OPA1: variants seen among roughly 807,000 people sequenced by gnomAD.
OPA1 encodes the protein OPA1 mitochondrial dynamin like GTPase.
OPA1 carries 59 observed loss-of-function variants against 152.9 expected under a neutral mutation model. That is an observed-to-expected ratio of 0.39 (90% CI 0.31 to 0.48). The LOEUF is 0.48. Ranked by LOEUF, OPA1 falls within the 20% of genes least tolerant of loss-of-function variation. OPA1 has a pLI of 0.96. For synonymous variants in OPA1, 400 were observed against 389.9 expected (o/e 1.03, Z -0.31); for missense variants, 1,008 against 1,216.8 (o/e 0.83, Z 2.55).
At position 193,694,794 on chromosome 3, in the gene OPA1, G is replaced by C. The variant is rs1484415043; in HGVS notation, c.*194G>C. 1 of 152,172 alleles carries C rather than the reference G, an allele frequency of 6.6e-6. No individual in the cohort carries two copies. The highest frequency in any genetic ancestry group is 1.5e-5 in the Non-Finnish European group (1 of 68,030). 9.4% of individuals were successfully genotyped at this position (152,172 alleles called of 1,614,324 possible). A position where few individuals can be genotyped will look rare whatever the true frequency, so the allele number is the denominator to read the frequency against. On this transcript the variant is annotated 3_prime_UTR_variant, in exon 31 of 31. Transcript: ENST00000361510. ...TCTCGAATGGAAGAACAGTGGTAAT[G>C]GATTAACATCCTATTTTGTTGTACT...
At chr3:193,694,198 G>A (rs887167317) in intron 30 of OPA1, among the ~76,000 whole-genome samples, 1 of 152,124 alleles carries the variant, frequency 6.6e-6, no homozygotes, top group African/African-American at 2.4e-5. Context: ...TTTGTACCCT[G>A]CAGATGCATT....
In OPA1 at chr3:193,612,268, C is replaced by CTTT. The variant is rs34283831; in HGVS notation, c.33-2435_33-2433dup. ...CTTTGTAAGACATCTGTCTAACTTC[C>CTTT]TTTTTTTTTTTTTTTTTTTTTTAAA... On this transcript the variant is annotated intron_variant, in intron 1 of 30. Coordinates refer to ENST00000361510, the MANE Select transcript of OPA1 (RefSeq NM_130837.3). 1.5e-3 allele frequency among the ~76,000 whole-genome samples: 172 copies of CTTT among 116,318 alleles called. 1 individual carries two copies. The highest frequency in any genetic ancestry group is 4.7e-3 in the African/African-American group (142 of 30,374). The allele number at this position is 116,318 out of a possible 152,430, so 76.3% of individuals were successfully genotyped here.
intron 5 of OPA1, chr3:193,618,666 A>G (rs1729469564): frequency 1.8e-6 from 1 of 555,596 alleles, no homozygotes; most frequent in African/African-American, 1.9e-5. Flanking sequence ...ATATGCTGCG[A>G]TTGCTATAGT....
rs780396705 is a variant in OPA1, at chr3:193,658,868, CTCT to C, written c.2332-14_2332-12del. 1.1e-5 allele frequency: 18 copies of C among 1,582,720 alleles called. No individual in the cohort carries two copies. In the Middle Eastern group the frequency reaches 6.7e-4, roughly 59 times the overall value. On this transcript the variant is annotated splice_polypyrimidine_tract_variant and intron_variant, in intron 23 of 30. Coordinates refer to ENST00000361510, the MANE Select transcript of OPA1 (RefSeq NM_130837.3). ...GAGATGTAAAACAAGTTGGCTTTTT[CTCT>C]TCTTGTTATTTTCAGAGGGTTATTC...
rs758993120 is a variant in OPA1, at chr3:193,622,226, C to CTTTTTTT, written c.678+3305_678+3311dup. On this transcript the variant is annotated intron_variant, in intron 6 of 30. Coordinates refer to ENST00000361510, the MANE Select transcript of OPA1 (RefSeq NM_130837.3). ...TTTCTTGCAACATATTACTCTCATT[C>CTTTTTTT]TTTTTTTTTTTTTTTTTTTTTGAGA... Among the ~76,000 whole-genome samples, 345 of 107,896 alleles carry CTTTTTTT rather than the reference C, an allele frequency of 3.2e-3. 7 individuals are homozygous for CTTTTTTT. Among genetic ancestry groups the CTTTTTTT allele is most frequent in the African/African-American group, 4.9e-3 (128 of 26,022 alleles). 70.8% of individuals were successfully genotyped at this position (107,896 alleles called of 152,430 possible). A position where few individuals can be genotyped will look rare whatever the true frequency, so the allele number is the denominator to read the frequency against.
At chr3:193,594,730 C>T (rs1725240286) in intron 1 of OPA1, among the ~76,000 whole-genome samples, 1 of 152,104 alleles carries the variant, frequency 6.6e-6, no homozygotes, top group Non-Finnish European at 1.5e-5. Context: ...AAATACAGAA[C>T]TAGATGAGAT....
intron 1 of OPA1, among the ~76,000 whole-genome samples, chr3:193,596,306 TTTTCCTTTCC>T (rs59723526): frequency 2.6e-3 from 273 of 105,402 alleles, no homozygotes; most frequent in Non-Finnish European, 3.9e-3. Flanking sequence ...TTTTCTTTTC[TTTTCCTTTCC>T]TTTCCTTTCC....
chr3:193,622,920 A>G (rs77583423), intron 6 of OPA1, among the ~76,000 whole-genome samples: 4,757 of 152,252 alleles, frequency 0.031, 71 homozygotes, highest in African/African-American at 0.039. Flanking sequence ...ATTACCTGCA[A>G]ATTCTCCCTG....
intron 6 of OPA1, among the ~76,000 whole-genome samples, chr3:193,623,960 A>G (rs1239468235): frequency 6.6e-6 from 1 of 152,146 alleles, no homozygotes. Flanking sequence ...CTACTTTTTC[A>G]GGAGGTCAAT....
At chr3:193,683,914 C>T (rs1720558185) in intron 29 of OPA1, among the ~76,000 whole-genome samples, 2 of 152,164 alleles carry the variant, frequency 1.3e-5, no homozygotes, top group Admixed American at 6.6e-5. Flanking sequence ...TAGAACCAAA[C>T]TTGCATATCT....
intron 22 of OPA1, 44 bp from the exon 23 acceptor site, chr3:193,657,036 G>A (rs1193375451): frequency 3.9e-6 from 6 of 1,524,636 alleles, no homozygotes; most frequent in Non-Finnish European, 3.6e-6. Context: ...AACCATTGAA[G>A]TATGTAGTAA....
Position 193,695,954 on chromosome 3 carries a change from T to A in OPA1, c.*1354T>A, listed in dbSNP as rs1560089816. 6.6e-6 allele frequency: 1 copy of A among 152,202 alleles called. No homozygotes were observed. The highest frequency in any genetic ancestry group is 1.9e-4 in the East Asian group (1 of 5,206). 9.4% of individuals were successfully genotyped at this position (152,202 alleles called of 1,614,324 possible). A position where few individuals can be genotyped will look rare whatever the true frequency, so the allele number is the denominator to read the frequency against. On this transcript the variant is annotated 3_prime_UTR_variant, in exon 31 of 31. Transcript: ENST00000361510. ...AAACCAGGAATTCAATGTATGTTTGTTTTATACTGTTTGATAAGAAAAGTA... is the reference window on the plus strand; with the variant it reads ...AAACCAGGAATTCAATGTATGTTTGATTTATACTGTTTGATAAGAAAAGTA...
At chr3:193,649,729 CAGT>C in intron 21 of OPA1, among the ~76,000 whole-genome samples, 1 of 152,248 alleles carries the variant, frequency 6.6e-6, no homozygotes, top group Middle Eastern at 3.4e-3. Context: ...CTTTCTTCCT[CAGT>C]GGTGAAACCT....
At position 193,593,543 on chromosome 3, in the gene OPA1, C is replaced by T. The variant is rs1400559051; in HGVS notation, c.32+134C>T. 14 of 925,956 alleles carry T rather than the reference C, an allele frequency of 1.5e-5. No individual in the cohort carries two copies. The African/African-American group carries it at 1.9e-4, about 13-fold the overall frequency. The allele number at this position is 925,956 out of a possible 1,614,324, so 57.4% of individuals were successfully genotyped here. ...GGCAGTTGGAGAATTCCCAGATGTT[C>T]TTGAGGACCCAGAATGACAGGAGCC... On this transcript the variant is annotated intron_variant, in intron 1 of 30. Transcript: ENST00000361510.
intron 21 of OPA1, 76 bp from the exon 22 acceptor site, chr3:193,654,783 TTAA>T (rs770460971): frequency 5.0e-6 from 7 of 1,410,878 alleles, no homozygotes; most frequent in Admixed American, 3.8e-5. Context: ...TTATTATAAG[TTAA>T]TGATACTTCA....
At chr3:193,604,257 T>A (rs575989440) in intron 1 of OPA1, among the ~76,000 whole-genome samples, 1 of 152,296 alleles carries the variant, frequency 6.6e-6, no homozygotes, top group Non-Finnish European at 1.5e-5. Flanking sequence ...GTGAAAGGTT[T>A]AGTGTAATTT....
rs145565705 is a variant in OPA1 at position 193,614,775 on chromosome 3, C to G, written c.85C>G (p.Pro29Ala). 272 of 1,614,070 alleles carry G rather than the reference C, an allele frequency of 1.7e-4. 1 individual carries two copies. In the African/African-American group the frequency reaches 2.9e-3, roughly 17 times the overall value. The change falls in exon 2 of 31, where the codon CCA becomes GCA. Residue 29 changes from proline (P) to alanine (A), a missense_variant. Physicochemically the swap from Pro to Ala is conservative, Grantham distance 27. Transcript: ENST00000361510. ...CAGCTCTGGAATAAAAGGAAGTTTA[C>G]CACTACAAAAACTACATCTGGTTTC... ...KHSSGIKGSL[P>A]LQKLHLVSRS...
intron 6 of OPA1, among the ~76,000 whole-genome samples, chr3:193,624,871 T>C (rs1277750251): frequency 6.6e-6 from 1 of 151,992 alleles, no homozygotes; most frequent in Admixed American, 6.5e-5. Flanking sequence ...AAATAAAATA[T>C]TTTGGGCAGT....
intron 1 of OPA1, among the ~76,000 whole-genome samples, chr3:193,609,413 G>A (rs368096288): frequency 9.9e-5 from 15 of 152,248 alleles, no homozygotes; most frequent in African/African-American, 3.4e-4. Flanking sequence ...ATCAGCTGTT[G>A]GTCTGATGGG....
Sources: allele counts gnomAD v4.1 joint callset (sites outside exome capture counted in the v4.1 genomes callset), GRCh38; gene constraint gnomAD v4.1.1; transcripts MANE v1.5; gene names NCBI Gene and HGNC (gene_info 2026-07-23, HGNC 2026-07-21).